Variants in PPP1R14C observed in about 807,000 individuals in gnomAD.
PPP1R14C encodes the protein protein phosphatase 1 regulatory subunit 14C.
Under a neutral mutation model 20.4 loss-of-function variants are expected in PPP1R14C, and 16 were observed. That is an observed-to-expected ratio of 0.78 (90% CI 0.53 to 1.19). The LOEUF (loss-of-function observed/expected upper bound fraction) is 1.19. Ranked by LOEUF, PPP1R14C falls within the 50% of genes most tolerant of loss-of-function variation. PPP1R14C has a pLI of 0.00. For missense variants in PPP1R14C, 211 were observed against 220.1 expected (o/e 0.96, Z 0.26); for synonymous variants, 91 against 91.0 (o/e 1.00, Z 0.00).
Position 150,168,150 on chromosome 6 carries a change from CTTTTTTTTTT to C in PPP1R14C, c.306+24663_306+24672del, listed in dbSNP as rs1164433647. 7.7e-3 allele frequency among the ~76,000 whole-genome samples: 612 copies of C among 79,156 alleles called. 18 individuals are homozygous for C. The highest frequency in any genetic ancestry group is 0.029 in the African/African-American group (593 of 20,146). The allele number at this position is 79,156 out of a possible 152,430, so 51.9% of individuals were successfully genotyped here. On this transcript the variant is annotated intron_variant, in intron 1 of 3. Transcript: ENST00000361131. ...TTCTCCCTAACACAATACAGCGTCCCTTTTTTTTTTTTTTTTTTTTGTCTTTGAGGTTCAC... is the reference window on the plus strand; with the variant it reads ...TTCTCCCTAACACAATACAGCGTCCCTTTTTTTTTTGTCTTTGAGGTTCAC...
intron 3 of PPP1R14C, among the ~76,000 whole-genome samples, chr6:150,229,732 G>C (rs1425633870): frequency 6.6e-6 from 1 of 152,152 alleles, no homozygotes; most frequent in Non-Finnish European, 1.5e-5. Flanking sequence ...AATTTATGTT[G>C]ACAGAAGTCA....
chr6:150,219,545 C>T (rs1778141528), intron 3 of PPP1R14C, among the ~76,000 whole-genome samples: 1 of 152,036 alleles, frequency 6.6e-6, no homozygotes, highest in Non-Finnish European at 1.5e-5. Context: ...TTGTCTAATA[C>T]CAATTGGTAT....
chr6:150,194,554 A>G, intron 1 of PPP1R14C: 1 of 974,234 alleles, frequency 1.0e-6, no homozygotes, highest in Non-Finnish European at 1.2e-6. Flanking sequence ...TAGCTCTTTG[A>G]TTATCTACCA....
At chr6:150,239,061 T>G (rs1778401825) in intron 3 of PPP1R14C, among the ~76,000 whole-genome samples, 1 of 152,028 alleles carries the variant, frequency 6.6e-6, no homozygotes, top group South Asian at 2.1e-4. Context: ...GACTGAAACT[T>G]CAAAAAAGAA....
At chr6:150,216,973 A>G (rs1329202639) in intron 3 of PPP1R14C, 117 bp downstream of exon 3, 3 of 719,836 alleles carry the variant, frequency 4.2e-6, no homozygotes, top group South Asian at 1.8e-5. Flanking sequence ...CCAATTAGCA[A>G]TTATTATCCA....
chr6:150,187,293 T>TGTGTGTGTGTGTG (rs1777689343), intron 1 of PPP1R14C, among the ~76,000 whole-genome samples: 1 of 100,278 alleles, frequency 1.0e-5, no homozygotes, highest in East Asian at 3.1e-4. Flanking sequence ...GTGTGTGTGT[T>TGTGTGTGTGTGTG]TGCATGCTTT....
chr6:150,227,016 G>C (rs373643804), intron 3 of PPP1R14C, among the ~76,000 whole-genome samples: 2 of 152,306 alleles, frequency 1.3e-5, no homozygotes, highest in South Asian at 2.1e-4. Flanking sequence ...CTTCTACCAT[G>C]ATTTCATGGT....
chr6:150,235,818 G>A (rs776227744), intron 3 of PPP1R14C, among the ~76,000 whole-genome samples: 9 of 152,194 alleles, frequency 5.9e-5, no homozygotes, highest in Non-Finnish European at 1.3e-4. Flanking sequence ...CCCTTGGGAA[G>A]AGGCTACGGG....
intron 3 of PPP1R14C, among the ~76,000 whole-genome samples, chr6:150,217,638 TTAGAC>T (rs1209904547): frequency 6.6e-6 from 1 of 152,220 alleles, no homozygotes; most frequent in Non-Finnish European, 1.5e-5. Context: ...ATTAATGTGA[TTAGAC>T]TAAAGCATTT....
At chr6:150,214,919 T>C (rs1582922342) in intron 2 of PPP1R14C, 92 bp downstream of exon 2, 2 of 880,894 alleles carry the variant, frequency 2.3e-6, no homozygotes, top group South Asian at 3.2e-5. Context: ...GATTCCGCCC[T>C]GTGGTGGTGT....
intron 1 of PPP1R14C, among the ~76,000 whole-genome samples, chr6:150,208,236 G>A (rs1438508917): frequency 6.6e-6 from 1 of 152,096 alleles, no homozygotes; most frequent in Non-Finnish European, 1.5e-5. Context: ...AGGCCTTGAG[G>A]GTGGAAATGG....
At position 150,187,868 on chromosome 6, in the gene PPP1R14C, T is replaced by G. The variant is rs1223195544; in HGVS notation, c.307-26876T>G. On this transcript the variant is annotated intron_variant, in intron 1 of 3. Coordinates refer to ENST00000361131, the MANE Select transcript of PPP1R14C (RefSeq NM_030949.3). ...TGGTACTTGACTTAGTCATTGTTTT[T>G]TATTTTTTACATGCTTTACTTCTTG... Among the ~76,000 whole-genome samples the G allele has an allele frequency of 2.0e-5, 3 of 152,238 alleles. No homozygotes were observed. The East Asian group carries it at 5.8e-4, about 29-fold the overall frequency.
At chr6:150,204,996 C>CTTTTTT (rs10683235) in intron 1 of PPP1R14C, among the ~76,000 whole-genome samples, 1 of 143,332 alleles carries the variant, frequency 7.0e-6, no homozygotes. Context: ...AACTCAGAGT[C>CTTTTTT]TTTTTTTTTT....
chr6:150,174,653 C>T (rs1777540985), intron 1 of PPP1R14C, among the ~76,000 whole-genome samples: 1 of 151,646 alleles, frequency 6.6e-6, no homozygotes, highest in African/African-American at 2.4e-5. Context: ...ATATAATTTC[C>T]TGGAATATCA....
At chr6:150,172,905 TC>T (rs1195327026) in intron 1 of PPP1R14C, among the ~76,000 whole-genome samples, 1 of 152,056 alleles carries the variant, frequency 6.6e-6, no homozygotes, top group Non-Finnish European at 1.5e-5. Flanking sequence ...GCCTTGGTCT[TC>T]CCATCAGCCA....
At chr6:150,227,445 C>T (rs1778243091) in intron 3 of PPP1R14C, among the ~76,000 whole-genome samples, 1 of 152,144 alleles carries the variant, frequency 6.6e-6, no homozygotes, top group Admixed American at 6.5e-5. Flanking sequence ...TGAGCTTATT[C>T]GATGGTTCTC....
chr6:150,209,096 C>T (rs1179081926), intron 1 of PPP1R14C, among the ~76,000 whole-genome samples: 1 of 152,144 alleles, frequency 6.6e-6, no homozygotes, highest in Admixed American at 6.5e-5. Flanking sequence ...TTGCCACTCC[C>T]CACCCCTGCC....
intron 1 of PPP1R14C, among the ~76,000 whole-genome samples, chr6:150,208,495 T>C (rs566755440): frequency 6.6e-6 from 1 of 152,330 alleles, no homozygotes; most frequent in Non-Finnish European, 1.5e-5. Context: ...TTTAATGTTA[T>C]ATTATTTAAA....
rs541798022 is a variant in PPP1R14C, at chr6:150,197,921, G to A, written c.307-16823G>A. On this transcript the variant is annotated intron_variant, in intron 1 of 3. Transcript: ENST00000361131. ...GCTTTGTGTGCCCCTGCCTGCCACG[G>A]TGGAGGAGGGCCTGGATGCCCGGCT... Among the ~76,000 whole-genome samples the A allele has an allele frequency of 7.4e-5, 9 of 122,250 alleles. No homozygotes were observed. The East Asian group carries it at 2.2e-3, about 30-fold the overall frequency. The allele number at this position is 122,250 out of a possible 152,430, so 80.2% of individuals were successfully genotyped here. A position where few individuals can be genotyped will look rare whatever the true frequency, so the allele number is the denominator to read the frequency against.
Sources: gnomAD v4.1 joint callset for allele counts (sites outside exome capture counted in the v4.1 genomes callset) on GRCh38, gnomAD v4.1.1 for gene constraint, MANE v1.5 for transcripts, NCBI Gene and HGNC (gene_info 2026-07-23, HGNC 2026-07-21) for gene names.